The following ZNF616 variants were observed in gnomAD, a reference collection of about 807,000 sequenced individuals.
ZNF616 encodes zinc finger protein 616.
In ZNF616, 5 loss-of-function variants were observed where a neutral mutation model predicts 7.6. That is an observed-to-expected ratio of 0.66 (90% CI 0.34 to 1.38). The LOEUF (loss-of-function observed/expected upper bound fraction) is 1.38. Ranked by LOEUF, ZNF616 falls within the 40% of genes most tolerant of loss-of-function variation. The probability of loss-of-function intolerance (pLI) is 0.04; values close to 1 mark genes in which losing one functional copy is unlikely to be tolerated. For synonymous variants in ZNF616, 319 were observed against 317.2 expected, an observed-to-expected ratio of 1.01 and a Z score of -0.06; for missense variants, 913 against 948.3, an observed-to-expected ratio of 0.96 and a Z score of 0.49.
intron 1 of ZNF616, among the ~76,000 whole-genome samples, chr19:52,133,002 G>A (rs1216239609): frequency 1.3e-5 from 2 of 152,152 alleles, no homozygotes; most frequent in Non-Finnish European, 2.9e-5. Flanking sequence ...AAATTAAACA[G>A]AAAGCTCCTG....
intron 1 of ZNF616, 127 bp from the exon 2 acceptor site, chr19:52,130,715 A>C: frequency 3.1e-6 from 2 of 650,412 alleles, no homozygotes; most frequent in Non-Finnish European, 5.2e-6. Flanking sequence ...GGGATGCAAG[A>C]ATAATAAATT....
rs971643958 is a variant in ZNF616 at position 52,116,398 on chromosome 19, A to G, written c.766T>C (p.Phe256Leu). ...GTGTGACTCCTTTGGTGTCTTACAA[A>G]ATATGAATTTTTTCTGAAGATCTTG... ...CGKIFRKNSY[F>L]VRHQRSHTGQ... is the part of the protein sequence containing the mutation. The change falls in exon 4 of 4, where the codon TTT becomes CTT. Residue 256 changes from phenylalanine (F) to leucine (L), a missense_variant. Transcript: ENST00000600228. The G allele has an allele frequency of 2.5e-6, 4 of 1,613,554 alleles. No individual in the cohort carries two copies. Among genetic ancestry groups the G allele is most frequent in the Non-Finnish European group, 2.5e-6 (3 of 1,179,904 alleles).
intron 3 of ZNF616, among the ~76,000 whole-genome samples, chr19:52,119,883 C>G (rs2088853285): frequency 6.6e-6 from 1 of 152,066 alleles, no homozygotes; most frequent in African/African-American, 2.4e-5. Context: ...ATATGCTCAA[C>G]AACCCTACAT....
chr19:52,114,745 A>C lies in ZNF616; in HGVS notation c.*73T>G, dbSNP rs928989628. ...AGATTACAATTCCACAGGGATTTCA[A>C]GAGAAGGGGTAAATATACAAGGTAT... On this transcript the variant is annotated 3_prime_UTR_variant, in exon 4 of 4. Coordinates refer to ENST00000600228, the MANE Select transcript of ZNF616 (RefSeq NM_178523.5). The C allele has an allele frequency of 8.1e-6, 12 of 1,486,072 alleles. No homozygotes were observed. Among genetic ancestry groups the C allele is most frequent in the Non-Finnish European group, 1.1e-5 (12 of 1,112,138 alleles). 92.1% of individuals were successfully genotyped at this position (1,486,072 alleles called of 1,614,324 possible). A position where few individuals can be genotyped will look rare whatever the true frequency, so the allele number is the denominator to read the frequency against.
At chr19:52,135,357 C>G (rs2088998525) in intron 1 of ZNF616, among the ~76,000 whole-genome samples, 1 of 152,166 alleles carries the variant, frequency 6.6e-6, no homozygotes, top group African/African-American at 2.4e-5. Flanking sequence ...ACTGGCACCA[C>G]CATCTACTAA....
chr19:52,115,345 A>G lies in ZNF616; in HGVS notation c.1819T>C (p.Cys607Arg). The part of the protein sequence containing the change: ...RVHTGEKPYK[C>R]HECGKAFNQG... ...TTAAAGGCTTTGCCACATTCATGAC[A>G]TTTGTATGGTTTCTCTCCAGTATGA... is the stretch of plus-strand genomic sequence containing the variant. Residue 607 changes from cysteine (C) to arginine (R), a missense_variant, in exon 4 of 4, where the codon TGT becomes CGT. By Grantham distance (180) the Cys-to-Arg change is radical. Transcript: ENST00000600228. The G allele has an allele frequency of 6.2e-7, 1 of 1,614,118 alleles. No individual in the cohort carries two copies.
At chr19:52,127,802 G>A (rs1600126038) in intron 2 of ZNF616, among the ~76,000 whole-genome samples, 1 of 152,066 alleles carries the variant, frequency 6.6e-6, no homozygotes, top group East Asian at 1.9e-4. Flanking sequence ...TTCCAAAGAG[G>A]ATGCAAAACA....
chr19:52,128,183 CAATAAAAAAAAA>C (rs2088925672), intron 2 of ZNF616, among the ~76,000 whole-genome samples: 4 of 120,064 alleles, frequency 3.3e-5, no homozygotes, highest in Non-Finnish European at 6.7e-5. Flanking sequence ...ATTTCCCACC[CAATAAAAAAAAA>C]AAAAAAAAAC....
rs781757109 is a variant in ZNF616 at position 52,116,239 on chromosome 19, G to T, written c.925C>A (p.Arg309Ser). The stretch of plus-strand genomic sequence containing the variant: ...GTCTGATGAAGTCTAAGATGGACAC[G>T]CTGACTAAAGGATTTCCCACACAGA... Reference protein sequence around the residue: ...CNLCGKSFSQRVHLRLHQTVH... With the variant: ...CNLCGKSFSQSVHLRLHQTVH... Residue 309 changes from arginine to serine, a missense_variant, in exon 4 of 4, where the codon CGT becomes AGT. By Grantham distance (110) the Arg-to-Ser change is moderately radical (BLOSUM62 -1). Transcript: ENST00000600228. The T allele has an allele frequency of 6.2e-7, 1 of 1,614,046 alleles. No homozygotes were observed. Among genetic ancestry groups the T allele is most frequent in the South Asian group, 1.1e-5 (1 of 91,072 alleles).
rs2089040287 is a variant in ZNF616, at chr19:52,139,500, C to A, written c.-77+232G>T. ...TTCAGGAGCTGGGCAGCGGGCGCTC[C>A]CCTCCAGGCGTCGACAAGGGCGAAG... On this transcript the variant is annotated intron_variant, in intron 1 of 3. Coordinates refer to ENST00000600228, the MANE Select transcript of ZNF616 (RefSeq NM_178523.5). This position sits in a 1 kb window ranked among gnomAD's most constrained non-coding sequence, Gnocchi z 4.1. Among the ~76,000 whole-genome samples, 1 of 152,124 alleles carries A rather than the reference C, an allele frequency of 6.6e-6. No individual in the cohort carries two copies. Among genetic ancestry groups the A allele is most frequent in the Admixed American group, 6.5e-5 (1 of 15,280 alleles).
At chr19:52,136,501 G>A (rs1487073504) in intron 1 of ZNF616, among the ~76,000 whole-genome samples, 2 of 151,994 alleles carry the variant, frequency 1.3e-5, no homozygotes, top group East Asian at 1.9e-4. Flanking sequence ...ACTCAAGATC[G>A]CTAATCATCA....
intron 1 of ZNF616, among the ~76,000 whole-genome samples, chr19:52,138,175 C>T (rs1157688583): frequency 1.3e-5 from 2 of 152,156 alleles, no homozygotes; most frequent in East Asian, 1.9e-4. Context: ...ACCAAAGATA[C>T]ATCTTGTAGT....
At chr19:52,127,362 G>A (rs1568561233) in intron 2 of ZNF616, among the ~76,000 whole-genome samples, 1 of 152,030 alleles carries the variant, frequency 6.6e-6, no homozygotes, top group Non-Finnish European at 1.5e-5. Context: ...GCCAATATGT[G>A]GAATTTAAAT....
chr19:52,136,390 A>G (rs1382320811), intron 1 of ZNF616, among the ~76,000 whole-genome samples: 2 of 152,096 alleles, frequency 1.3e-5, no homozygotes, highest in East Asian at 3.9e-4. Flanking sequence ...ATGAGGTCGC[A>G]GTGAGCTGAG....
chr19:52,134,358 T>C (rs895066351), intron 1 of ZNF616, among the ~76,000 whole-genome samples: 7 of 152,244 alleles, frequency 4.6e-5, no homozygotes, highest in African/African-American at 9.6e-5. Context: ...GTTGTGATTT[T>C]GTCCTTCAAC....
chr19:52,130,566 A>C lies in ZNF616; in HGVS notation c.-54T>G. The C allele has an allele frequency of 6.3e-7, 1 of 1,585,890 alleles. No homozygotes were observed. The highest frequency in any genetic ancestry group is 1.4e-5 in the African/African-American group (1 of 73,426). On this transcript the variant is annotated 5_prime_UTR_variant, in exon 2 of 4. Transcript: ENST00000600228. Reference sequence around the variant, plus strand: ...CTCTTCTGGGTTTCTTTCTCAGTCAATGTAATTATTCACACATCAAACCTG... The same window carrying C: ...CTCTTCTGGGTTTCTTTCTCAGTCACTGTAATTATTCACACATCAAACCTG...
intron 1 of ZNF616, among the ~76,000 whole-genome samples, chr19:52,134,894 T>C (rs1368567319): frequency 6.6e-6 from 1 of 152,038 alleles, no homozygotes; most frequent in African/African-American, 2.4e-5. Flanking sequence ...GCCTCGTAGC[T>C]CCCTGTGATT....
chr19:52,136,151 G>T (rs1407485961), intron 1 of ZNF616, among the ~76,000 whole-genome samples: 2 of 143,406 alleles, frequency 1.4e-5, no homozygotes, highest in South Asian at 4.8e-4. Flanking sequence ...AAGCGGGGGG[G>T]GGACAGGGGG....
intron 1 of ZNF616, among the ~76,000 whole-genome samples, chr19:52,131,431 G>T (rs757968874): frequency 6.6e-6 from 1 of 152,102 alleles, no homozygotes; most frequent in African/African-American, 2.4e-5. Flanking sequence ...AGTCTCAAAG[G>T]GGGCAAGACT....
Sources: allele counts gnomAD v4.1 joint callset (sites outside exome capture counted in the v4.1 genomes callset), GRCh38; gene constraint gnomAD v4.1.1; non-coding constraint Gnocchi (gnomAD v3.1); transcripts MANE v1.5; gene names NCBI Gene and HGNC (gene_info 2026-07-23, HGNC 2026-07-21).